TDP1: variants seen among roughly 807,000 people sequenced by gnomAD.
TDP1 encodes tyr-DNA phosphodiesterase 1.
In TDP1, 64 loss-of-function variants were observed where a neutral mutation model predicts 81.5. The observed-to-expected ratio is 0.79, with a 90% CI of 0.64 to 0.97. The LOEUF (loss-of-function observed/expected upper bound fraction) is 0.97. Ranked by LOEUF, TDP1 falls within the 50% of genes least tolerant of loss-of-function variation. The pLI, the probability that TDP1 is intolerant of heterozygous loss-of-function variation, is 0.00. For missense variants in TDP1, 723 were observed against 743.8 expected, an observed-to-expected ratio of 0.97 and a Z score of 0.33; for synonymous variants, 256 against 264.3, an observed-to-expected ratio of 0.97 and a Z score of 0.30.
At chr14:90,009,559 C>G (rs1472115857) in intron 14 of TDP1, among the ~76,000 whole-genome samples, 1 of 152,078 alleles carries the variant, frequency 6.6e-6, no homozygotes. Flanking sequence ...GGGGAAAAGT[C>G]TTATTGAAAG....
chr14:90,028,561 G>C (rs1321678854), intron 15 of TDP1, among the ~76,000 whole-genome samples: 2 of 152,216 alleles, frequency 1.3e-5, no homozygotes, highest in African/African-American at 4.8e-5. Context: ...TGTCTTCTAA[G>C]TATCTGTGCC....
At chr14:89,960,001 G>A (rs551286778) in intron 2 of TDP1, among the ~76,000 whole-genome samples, 1 of 152,120 alleles carries the variant, frequency 6.6e-6, no homozygotes, top group Non-Finnish European at 1.5e-5. Context: ...CTTTAGAATG[G>A]GCAAGGTATC....
intron 2 of TDP1, among the ~76,000 whole-genome samples, chr14:89,957,524 T>C (rs565236146): frequency 3.9e-5 from 6 of 152,134 alleles, no homozygotes; most frequent in Non-Finnish European, 5.9e-5. Flanking sequence ...AGGAACTCAA[T>C]TGAGGAGCAT....
chr14:90,004,556 C>A (rs1390291780), intron 14 of TDP1, among the ~76,000 whole-genome samples: 3 of 152,154 alleles, frequency 2.0e-5, no homozygotes, highest in Non-Finnish European at 4.4e-5. Context: ...AGTGACCCAG[C>A]TGGGAAGCAG....
At chr14:90,025,255 G>A (rs745420735) in intron 15 of TDP1, among the ~76,000 whole-genome samples, 7 of 152,312 alleles carry the variant, frequency 4.6e-5, no homozygotes, top group South Asian at 4.1e-4. Context: ...CCAAGTTGCC[G>A]TGTGATGTGA....
intron 12 of TDP1, among the ~76,000 whole-genome samples, chr14:89,990,529 G>T (rs542704371): frequency 1.8e-4 from 26 of 142,676 alleles, no homozygotes; most frequent in Non-Finnish European, 3.3e-4. Context: ...TTTCGCTAGC[G>T]TTTGGAGTGT....
intron 2 of TDP1, 137 bp downstream of exon 2, chr14:89,956,937 C>A (rs1352786869): frequency 6.6e-6 from 1 of 152,200 alleles, no homozygotes; most frequent in Non-Finnish European, 1.5e-5. Context: ...TTCTTAAAGC[C>A]CTCAGTGGGG....
At chr14:90,024,275 G>C (rs1428382363) in intron 15 of TDP1, among the ~76,000 whole-genome samples, 2 of 152,178 alleles carry the variant, frequency 1.3e-5, no homozygotes, top group Non-Finnish European at 2.9e-5. Context: ...CACCCTGCTA[G>C]CCAGCCATAA....
chr14:90,008,143 G>T (rs1345590974), intron 14 of TDP1, among the ~76,000 whole-genome samples: 1 of 152,166 alleles, frequency 6.6e-6, no homozygotes, highest in East Asian at 1.9e-4. Flanking sequence ...TTTTTCAACA[G>T]TTCGGTAAAA....
At chr14:89,964,226 T>C (rs34681467) in intron 3 of TDP1, among the ~76,000 whole-genome samples, 6,507 of 152,252 alleles carry the variant, frequency 0.043, 468 homozygotes, top group African/African-American at 0.15. Context: ...AAAAACAAAA[T>C]AGTGCCTGAG....
chr14:89,998,375 T>TAC (rs1896832173), intron 14 of TDP1, among the ~76,000 whole-genome samples: 2 of 4,150 alleles, frequency 4.8e-4, no homozygotes, highest in East Asian at 0.038. Flanking sequence ...AAGCACATTA[T>TAC]ATATATATAT....
intron 10 of TDP1, 41 bp downstream of exon 10, chr14:89,985,251 A>C (rs1435725317): frequency 8.7e-7 from 1 of 1,152,068 alleles, no homozygotes; most frequent in African/African-American, 1.6e-5. Flanking sequence ...TAAAAAATTT[A>C]ATGTATATTC....
chr14:90,032,048 C>G (rs1364581490), intron 15 of TDP1, among the ~76,000 whole-genome samples: 1 of 152,216 alleles, frequency 6.6e-6, no homozygotes, highest in South Asian at 2.1e-4. Flanking sequence ...TTTATGTTAA[C>G]TCTTGTACAC....
At chr14:90,029,163 G>A (rs1033274517) in intron 15 of TDP1, among the ~76,000 whole-genome samples, 55 of 150,758 alleles carry the variant, frequency 3.6e-4, no homozygotes, top group African/African-American at 1.1e-3. Context: ...CCAAGAATCA[G>A]AAAGACGGTT....
chr14:89,963,960 G>A (rs1052761903), intron 3 of TDP1, among the ~76,000 whole-genome samples: 3 of 152,208 alleles, frequency 2.0e-5, no homozygotes, highest in Non-Finnish European at 2.9e-5. Context: ...ATGAGTAACA[G>A]TTTATCAACA....
rs141191002 is a variant in TDP1 at position 89,976,273 on chromosome 14, T to G, written c.791+458T>G. 1.3e-4 allele frequency among the ~76,000 whole-genome samples: 20 copies of G among 150,670 alleles called. No individual in the cohort carries two copies. The East Asian group carries it at 2.4e-3, about 18-fold the overall frequency. ...GGCACACGCCACCATGCCTGGCTAA[T>G]TTTTTTGTAGAGACAGGGGTCTCAC... is the stretch of plus-strand genomic sequence containing the variant. On this transcript the variant is annotated intron_variant, in intron 7 of 16. Coordinates refer to ENST00000335725, the MANE Select transcript of TDP1 (RefSeq NM_018319.4).
chr14:89,967,499 G>A (rs930785269), intron 5 of TDP1, 77 bp downstream of exon 5: 43 of 1,238,558 alleles, frequency 3.5e-5, no homozygotes, highest in Non-Finnish European at 4.5e-5. Context: ...TTTCTCAGGT[G>A]AAAGCCACTC....
chr14:90,010,011 G>A (rs1270533624), intron 14 of TDP1, among the ~76,000 whole-genome samples: 4 of 152,214 alleles, frequency 2.6e-5, no homozygotes, highest in African/African-American at 9.6e-5. Flanking sequence ...GCCTAAGTGA[G>A]AACGCTAAAG....
chr14:89,974,036 C>T (rs1283480479), intron 6 of TDP1, among the ~76,000 whole-genome samples: 2 of 152,124 alleles, frequency 1.3e-5, no homozygotes, highest in Non-Finnish European at 2.9e-5. Flanking sequence ...TCCATAAAGT[C>T]CCTCTCTGCA....
Sources: allele counts gnomAD v4.1 joint callset (sites outside exome capture counted in the v4.1 genomes callset), GRCh38; gene constraint gnomAD v4.1.1; transcripts MANE v1.5; gene names NCBI Gene and HGNC (gene_info 2026-07-23, HGNC 2026-07-21).